XKR4: variants seen among roughly 807,000 people sequenced by gnomAD.
XKR4 encodes XK related 4.
Under a neutral mutation model 53.9 loss-of-function variants are expected in XKR4, and 12 were observed. The ratio of observed to expected loss-of-function variants is 0.22; its 90% CI spans 0.14 to 0.36. The LOEUF (loss-of-function observed/expected upper bound fraction) is 0.36, where lower values mean the gene tolerates loss of function less well. XKR4 is among the 10% of genes least tolerant of loss of function. The pLI is 1.00. For missense variants in XKR4, 799 were observed against 859.5 expected (o/e 0.93, Z 0.88); for synonymous variants, 354 against 362.4 (o/e 0.98, Z 0.26).
At chr8:55,361,186 T>C (rs1194429609) in intron 2 of XKR4, among the ~76,000 whole-genome samples, 1 of 152,210 alleles carries the variant, frequency 6.6e-6, no homozygotes, top group Non-Finnish European at 1.5e-5. Context: ...GTGCTCACTG[T>C]ACTTCCAGAG....
intron 2 of XKR4, among the ~76,000 whole-genome samples, chr8:55,410,597 G>A (rs1027494444): frequency 1.3e-5 from 2 of 152,020 alleles, no homozygotes; most frequent in Admixed American, 6.6e-5. Context: ...CATGCACACT[G>A]TCACCAGGCC....
chr8:55,369,367 AAGGGGAGGGGAGGGG>A (rs1184594381), intron 2 of XKR4, among the ~76,000 whole-genome samples: 4 of 29,918 alleles, frequency 1.3e-4, no homozygotes, highest in Non-Finnish European at 1.7e-4. Flanking sequence ...AAGGGAAGGG[AAGGGGAGGGGAGGGG>A]AGGGGAGGGG....
rs556366857 is a variant in XKR4 at position 55,121,407 on chromosome 8, C to T, written c.806+18113C>T. ...CAACAGAGTAGTGAACCAGGGCACA[C>T]GATGTTATTCTAGAAAGAGTTAAGA... On this transcript the variant is annotated intron_variant, in intron 1 of 2. Transcript: ENST00000327381. Among the ~76,000 whole-genome samples, 7 of 152,224 alleles carry T rather than the reference C, an allele frequency of 4.6e-5. No individual in the cohort carries two copies. The South Asian group carries it at 1.2e-3, about 27-fold the overall frequency.
chr8:55,447,702 A>G (rs1805367220), intron 2 of XKR4, among the ~76,000 whole-genome samples: 1 of 152,230 alleles, frequency 6.6e-6, no homozygotes, highest in Non-Finnish European at 1.5e-5. Flanking sequence ...TCTGTTAAAG[A>G]TTGCAATAAA....
chr8:55,145,803 T>C (rs1054303594), intron 1 of XKR4, among the ~76,000 whole-genome samples: 15 of 152,360 alleles, frequency 9.8e-5, no homozygotes, highest in African/African-American at 2.6e-4. Flanking sequence ...TTTCATCTCA[T>C]AAATTTTGTG....
chr8:55,286,795 T>C (rs1818913133), intron 1 of XKR4, among the ~76,000 whole-genome samples: 1 of 152,222 alleles, frequency 6.6e-6, no homozygotes, highest in African/African-American at 2.4e-5. Context: ...TTGAATGTGA[T>C]GGGCACTCAC....
At chr8:55,451,952 A>T (rs935519847) in intron 2 of XKR4, 2 of 774,256 alleles carry the variant, frequency 2.6e-6, no homozygotes, top group Admixed American at 1.8e-5. Flanking sequence ...CAGTGCTCCT[A>T]GCTGAGTTGG....
At chr8:55,252,369 G>C (rs1317837912) in intron 1 of XKR4, among the ~76,000 whole-genome samples, 1 of 152,140 alleles carries the variant, frequency 6.6e-6, no homozygotes, top group African/African-American at 2.4e-5. Flanking sequence ...AAAATTGAAG[G>C]ATCTCAAACA....
chr8:55,267,939 CTATTTCTCTTTTAAATGGTG>C (rs1301835584), intron 1 of XKR4, among the ~76,000 whole-genome samples: 1 of 152,078 alleles, frequency 6.6e-6, no homozygotes, highest in African/African-American at 2.4e-5. Flanking sequence ...TGAGCCAACC[CTATTTCTCTTTTAAATGGTG>C]TTAATTTAGA....
intron 2 of XKR4, among the ~76,000 whole-genome samples, chr8:55,412,528 G>C (rs369342574): frequency 6.6e-6 from 1 of 152,108 alleles, no homozygotes; most frequent in African/African-American, 2.4e-5. Flanking sequence ...CCGGCGCTGC[G>C]GTTTGCTTGA....
chr8:55,465,771 A>G (rs1351273667), intron 2 of XKR4, among the ~76,000 whole-genome samples: 1 of 152,068 alleles, frequency 6.6e-6, no homozygotes, highest in Non-Finnish European at 1.5e-5. Flanking sequence ...ATCTACAATG[A>G]ACTCAAACAA....
intron 2 of XKR4, among the ~76,000 whole-genome samples, chr8:55,476,919 C>G (rs1027903574): frequency 6.6e-6 from 1 of 152,250 alleles, no homozygotes; most frequent in South Asian, 2.1e-4. Flanking sequence ...TGGAGCCCAC[C>G]ACAGCTCAAG....
At chr8:55,453,983 T>C (rs1805506882) in intron 2 of XKR4, 2 of 802,968 alleles carry the variant, frequency 2.5e-6, no homozygotes, top group African/African-American at 1.7e-5. Context: ...GGCTGCCTTA[T>C]GGAAGCGGAT....
intron 2 of XKR4, among the ~76,000 whole-genome samples, chr8:55,437,512 A>G (rs903971685): frequency 3.9e-5 from 6 of 152,210 alleles, no homozygotes; most frequent in Admixed American, 2.6e-4. Flanking sequence ...CTAGCTACCT[A>G]CATGGTCAGT....
rs532262269 is a variant in XKR4 at position 55,374,075 on chromosome 8, A to G, written c.1006+16198A>G. The stretch of plus-strand genomic sequence containing the variant: ...TGATGTGAACTTGATCCTGAAACCC[A>G]AGGGTCCTGAAAAATCACTCCTTGT... On this transcript the variant is annotated intron_variant, in intron 2 of 2. Coordinates refer to ENST00000327381, the MANE Select transcript of XKR4 (RefSeq NM_052898.2). Among the ~76,000 whole-genome samples the G allele has an allele frequency of 2.8e-4, 42 of 152,364 alleles. 2 individuals carry two copies. In the South Asian group the frequency reaches 8.3e-3, roughly 30 times the overall value.
intron 1 of XKR4, among the ~76,000 whole-genome samples, chr8:55,113,939 A>G (rs576360894): frequency 6.6e-6 from 1 of 152,252 alleles, no homozygotes; most frequent in African/African-American, 2.4e-5. Context: ...ATTCCATGGC[A>G]TCTATGTATT....
At chr8:55,359,011 A>G (rs1392428247) in intron 2 of XKR4, among the ~76,000 whole-genome samples, 1 of 152,214 alleles carries the variant, frequency 6.6e-6, no homozygotes. Context: ...CCATTTATTC[A>G]TAGATTCCTG....
chr8:55,515,193 A>G (rs1206622675), intron 2 of XKR4, among the ~76,000 whole-genome samples: 1 of 152,224 alleles, frequency 6.6e-6, no homozygotes, highest in Non-Finnish European at 1.5e-5. Context: ...AATCCTCCAA[A>G]TGGATTACCA....
At chr8:55,454,896 A>T in intron 2 of XKR4, 1 of 766,488 alleles carries the variant, frequency 1.3e-6, no homozygotes, top group Non-Finnish European at 2.4e-6. Flanking sequence ...CTGCTCCCAG[A>T]AGGTCAAGCA....
Sources: gnomAD v4.1 joint callset for allele counts (sites outside exome capture counted in the v4.1 genomes callset) on GRCh38, gnomAD v4.1.1 for gene constraint, MANE v1.5 for transcripts, NCBI Gene and HGNC (gene_info 2026-07-23, HGNC 2026-07-21) for gene names.